The following MIER3 variants were observed in gnomAD, a reference collection of about 807,000 sequenced individuals.
MIER3 encodes the protein MIER family member 3, also known as mesoderm induction early response protein 3.
MIER3 carries 9 observed loss-of-function variants against 63.2 expected under a neutral mutation model. The ratio of observed to expected loss-of-function variants is 0.14; its 90% confidence interval spans 0.09 to 0.25. The LOEUF (loss-of-function observed/expected upper bound fraction) is 0.25, where lower values mean the gene tolerates loss of function less well. Among genes scored for constraint, MIER3 ranks in the 10% least tolerant of loss-of-function variants. The probability of loss-of-function intolerance (pLI) is 1.00; values close to 1 mark genes in which losing one functional copy is unlikely to be tolerated. For synonymous variants in MIER3, 205 were observed against 224.9 expected (o/e 0.91, Z 0.79); for missense variants, 512 against 666.2 (o/e 0.77, Z 2.55).
intron 9 of MIER3, 75 bp from the exon 10 acceptor site, chr5:56,928,936 T>C: frequency 9.9e-7 from 1 of 1,005,550 alleles, no homozygotes; most frequent in South Asian, 1.4e-5. Flanking sequence ...CAGTATGTTT[T>C]CCCTGTAAAA....
At chr5:56,929,420 C>A (rs977717514) in intron 9 of MIER3, 1 of 152,286 alleles carries the variant, frequency 6.6e-6, no homozygotes, top group East Asian at 1.9e-4. Flanking sequence ...AACAAACTAG[C>A]CAGGCGTGGT....
chr5:56,936,760 T>G (rs796528536), intron 5 of MIER3: 1 of 152,260 alleles, frequency 6.6e-6, no homozygotes, highest in African/African-American at 2.4e-5. Flanking sequence ...CCTAAAGTGA[T>G]CCTCTCATCT....
intron 10 of MIER3, among the ~76,000 whole-genome samples, chr5:56,925,042 G>A (rs1749895074): frequency 6.6e-6 from 1 of 152,208 alleles, no homozygotes; most frequent in Non-Finnish European, 1.5e-5. Context: ...TGTCTGGTAA[G>A]TGAAGTGGAA....
chr5:56,945,482 T>A (rs796204865), intron 3 of MIER3, among the ~76,000 whole-genome samples: 16 of 152,250 alleles, frequency 1.1e-4, no homozygotes, highest in African/African-American at 3.4e-4. Flanking sequence ...AAGTTCTACC[T>A]ATAAATCTAG....
Position 56,922,151 on chromosome 5 carries a change from T to C in MIER3, c.*977A>G, listed in dbSNP as rs1688420147. ...TAAATATTAACACTTTGAACTGCAG[T>C]GCTACAAACAACTTAAAAGATGTCC... is the stretch of plus-strand genomic sequence containing the variant. On this transcript the variant is annotated 3_prime_UTR_variant, in exon 13 of 13. Transcript: ENST00000381199. 6.6e-6 allele frequency: 1 copy of C among 152,640 alleles called. No individual in the cohort carries two copies. Among genetic ancestry groups the C allele is most frequent in the Non-Finnish European group, 1.5e-5 (1 of 68,040 alleles). The allele number at this position is 152,640 out of a possible 1,614,324, so 9.5% of individuals were successfully genotyped here. A position where few individuals can be genotyped will look rare whatever the true frequency, so the allele number is the denominator to read the frequency against.
At chr5:56,934,956 T>G (rs192493053) in intron 7 of MIER3, among the ~76,000 whole-genome samples, 11 of 152,308 alleles carry the variant, frequency 7.2e-5, no homozygotes, top group African/African-American at 2.6e-4. Flanking sequence ...TACACATAAT[T>G]AGGAGTATAC....
chr5:56,948,478 A>T (rs1450813599), intron 2 of MIER3, among the ~76,000 whole-genome samples: 1 of 152,064 alleles, frequency 6.6e-6, no homozygotes, highest in Non-Finnish European at 1.5e-5. Flanking sequence ...AGCCTGGTCA[A>T]CATAGCGAAA....
rs1750543402 is a variant in MIER3, at chr5:56,938,876, C to T, written c.315+7G>A. On this transcript the variant is annotated splice_region_variant and intron_variant, in intron 4 of 12. Coordinates refer to ENST00000381199, the MANE Select transcript of MIER3 (RefSeq NM_001297599.2). ...CCTGAATTTTTCTTTCAAATGCTCA[C>T]ACTTACTTTGTCTAGTGTCATGTCT... 6.2e-7 allele frequency: 1 copy of T among 1,611,636 alleles called. No individual in the cohort carries two copies. Among genetic ancestry groups the T allele is most frequent in the Non-Finnish European group, 8.5e-7 (1 of 1,178,268 alleles).
chr5:56,938,375 C>T (rs1408732144), intron 4 of MIER3: 2 of 470,786 alleles, frequency 4.2e-6, no homozygotes, highest in African/African-American at 4.0e-5. Flanking sequence ...GATCTGTTAG[C>T]AGAGGCCATG....
chr5:56,922,874 A>G lies in MIER3; in HGVS notation c.*254T>C, dbSNP rs1328346041. ...GAAGAGGTATTGGGAGATGAGGAAG[A>G]GAGAAGCAGAGCTTAAAGCTGCACC... On this transcript the variant is annotated 3_prime_UTR_variant, in exon 13 of 13. Coordinates refer to ENST00000381199, the MANE Select transcript of MIER3 (RefSeq NM_001297599.2). 6.5e-6 allele frequency: 3 copies of G among 460,066 alleles called. No homozygotes were observed. The highest frequency in any genetic ancestry group is 1.2e-5 in the Non-Finnish European group (3 of 252,736). 28.5% of individuals were successfully genotyped at this position (460,066 alleles called of 1,614,324 possible).
chr5:56,923,578 G>A lies in MIER3; in HGVS notation c.1203C>T (p.Thr401=). The stretch of plus-strand genomic sequence containing the variant: ...GGTCGCAGACGGTTGCTACACTGTT[G>A]GTCAAAGCTAAAAAGGAATGGAAAA... ...SFTASDLTAL[T]NSVATVCDPT... is the part of the protein sequence containing the mutation. The change falls in exon 13 of 13, where the codon ACC becomes ACT. Residue 401 remains threonine, a synonymous_variant. Coordinates refer to ENST00000381199, the MANE Select transcript of MIER3 (RefSeq NM_001297599.2). 6.2e-7 allele frequency: 1 copy of A among 1,612,352 alleles called. No individual in the cohort carries two copies. The highest frequency in any genetic ancestry group is 2.2e-5 in the East Asian group (1 of 44,850).
intron 10 of MIER3, 51 bp downstream of exon 10, chr5:56,928,716 C>T: frequency 7.6e-7 from 1 of 1,310,218 alleles, no homozygotes; most frequent in Admixed American, 2.0e-5. Context: ...AAATTAGTTG[C>T]TTACATTCAC....
Position 56,938,868 on chromosome 5 carries a change from A to C in MIER3, c.315+15T>G. On this transcript the variant is annotated intron_variant, in intron 4 of 12. Coordinates refer to ENST00000381199, the MANE Select transcript of MIER3 (RefSeq NM_001297599.2). The stretch of plus-strand genomic sequence containing the variant: ...TAACAGACCCTGAATTTTTCTTTCA[A>C]ATGCTCACACTTACTTTGTCTAGTG... The C allele has an allele frequency of 6.2e-7, 1 of 1,605,770 alleles. No homozygotes were observed. The highest frequency in any genetic ancestry group is 8.5e-7 in the Non-Finnish European group (1 of 1,174,218).
chr5:56,928,995 A>T, intron 9 of MIER3, 134 bp from the exon 10 acceptor site: 1 of 553,666 alleles, frequency 1.8e-6, no homozygotes, highest in Non-Finnish European at 3.2e-6. Context: ...TCTCTCTCAC[A>T]CACACACACA....
At chr5:56,952,056 C>G in intron 1 of MIER3, 38 bp downstream of exon 1, 1 of 1,282,308 alleles carries the variant, frequency 7.8e-7, no homozygotes. Context: ...CGGGCGCCCG[C>G]TCCAGCCCGG....
intron 3 of MIER3, among the ~76,000 whole-genome samples, chr5:56,943,354 A>G (rs1376682997): frequency 6.9e-6 from 1 of 145,794 alleles, no homozygotes; most frequent in Non-Finnish European, 1.5e-5. Context: ...AAAAGGTAGA[A>G]GAATAAATTG....
At position 56,923,803 on chromosome 5, in the gene MIER3, T is replaced by C. The variant is rs767529159; in HGVS notation, c.1083A>G (p.Thr361=). 5.0e-6 allele frequency: 8 copies of C among 1,614,200 alleles called. No homozygotes were observed. The South Asian group carries it at 8.8e-5, about 18-fold the overall frequency. The change falls in exon 12 of 13, where the codon ACA becomes ACG. Residue 361 remains threonine (T), a synonymous_variant. Coordinates refer to ENST00000381199, the MANE Select transcript of MIER3 (RefSeq NM_001297599.2). ...TDYMDRLVDE[T]EALGGTVNAS... Reference sequence around the variant, plus strand: ...CATTTACCGTCCCACCCAAAGCTTCTGTTTCATCTACTAAACGATCCATAT... The same window carrying C: ...CATTTACCGTCCCACCCAAAGCTTCCGTTTCATCTACTAAACGATCCATAT...
rs759432220 is a variant in MIER3 at position 56,923,656 on chromosome 5, A to T, written c.1195+35T>A. Reference sequence around the variant, plus strand: ...CAAACAGAGGACACAATTTTGCAACAAACTGTACTAAATGCAGAAAGGTCT... The same window carrying T: ...CAAACAGAGGACACAATTTTGCAACTAACTGTACTAAATGCAGAAAGGTCT... On this transcript the variant is annotated intron_variant, in intron 12 of 12. Transcript: ENST00000381199. 1.9e-6 allele frequency: 3 copies of T among 1,613,938 alleles called. No homozygotes were observed. In the African/African-American group the frequency reaches 4.0e-5, roughly 22 times the overall value.
rs74482990 is a variant in MIER3 at position 56,925,216 on chromosome 5, A to C, written c.925-1174T>G. 9.2e-4 allele frequency: 314 copies of C among 340,216 alleles called. 2 individuals are homozygous for C. The East Asian group carries it at 0.018, about 20-fold the overall frequency. 21.1% of individuals were successfully genotyped at this position (340,216 alleles called of 1,614,324 possible). ...AAACATTAGATTTTCAAACATACAGAAAGTGTGAAATTTTCAACATCAATA... is the reference window on the plus strand; with the variant it reads ...AAACATTAGATTTTCAAACATACAGCAAGTGTGAAATTTTCAACATCAATA... On this transcript the variant is annotated intron_variant, in intron 10 of 12. Coordinates refer to ENST00000381199, the MANE Select transcript of MIER3 (RefSeq NM_001297599.2).
Sources: allele counts gnomAD v4.1 joint callset (sites outside exome capture counted in the v4.1 genomes callset), GRCh38; gene constraint gnomAD v4.1.1; transcripts MANE v1.5; gene names NCBI Gene and HGNC (gene_info 2026-07-23, HGNC 2026-07-21).